The following VPS13D variants were observed in gnomAD, a reference collection of about 807,000 sequenced individuals.
VPS13D encodes intermembrane lipid transfer protein VPS13D.
VPS13D carries 187 observed loss-of-function variants against 461.9 expected under a neutral mutation model. That is an observed-to-expected ratio of 0.40 (90% confidence interval 0.36 to 0.46). The LOEUF (loss-of-function observed/expected upper bound fraction) is 0.46. VPS13D is among the 20% of genes least tolerant of loss of function. VPS13D has a pLI of 0.60. For missense variants in VPS13D, 4,711 were observed against 5,364.9 expected, an observed-to-expected ratio of 0.88 and a Z score of 3.81; for synonymous variants, 1,951 against 1,986.3, an observed-to-expected ratio of 0.98 and a Z score of 0.47.
intron 20 of VPS13D, among the ~76,000 whole-genome samples, chr1:12,282,163 C>T (rs1224528295): frequency 6.6e-6 from 1 of 152,206 alleles, no homozygotes; most frequent in Non-Finnish European, 1.5e-5. Flanking sequence ...GCTGGGATTA[C>T]AGACGTGAGC....
chr1:12,236,664 T>A (rs1395089145), intron 2 of VPS13D, among the ~76,000 whole-genome samples: 3 of 152,322 alleles, frequency 2.0e-5, no homozygotes, highest in South Asian at 4.1e-4. Context: ...ATTACAGGCA[T>A]GTTCCACTGC....
At chr1:12,342,746 C>T (rs1359706229) in intron 41 of VPS13D, 153 bp from the exon 42 acceptor site, 4 of 779,778 alleles carry the variant, frequency 5.1e-6, no homozygotes, top group Admixed American at 3.0e-5. Context: ...CTATAGTTAG[C>T]GACCCTCAAG....
At position 12,309,775 on chromosome 1, in the gene VPS13D, A is replaced by G. The variant is rs927226628; in HGVS notation, c.6650+1134A>G. ...AGACTCAGTCTCAAAAAAAAAAAAA[A>G]AAAGAAAGAAAGAAAAACAGGTTTA... On this transcript the variant is annotated intron_variant, in intron 27 of 69. Coordinates refer to ENST00000620676, the MANE Select transcript of VPS13D (RefSeq NM_015378.4). 6.2e-4 allele frequency among the ~76,000 whole-genome samples: 94 copies of G among 151,700 alleles called. 1 individual carries two copies. Among genetic ancestry groups the G allele is most frequent in the Admixed American group, 5.8e-3 (88 of 15,242 alleles).
chr1:12,234,252 C>T lies in VPS13D; in HGVS notation c.-15C>T. On this transcript the variant is annotated 5_prime_UTR_variant, in exon 2 of 70. Coordinates refer to ENST00000620676, the MANE Select transcript of VPS13D (RefSeq NM_015378.4). ...GATCCATGATTTCTAAACACCTTTT[C>T]CTGAGGATATAGTCATGTTGGAAGG... is the stretch of plus-strand genomic sequence containing the variant. 1.3e-6 allele frequency: 2 copies of T among 1,581,826 alleles called. No homozygotes were observed. Among genetic ancestry groups the T allele is most frequent in the Non-Finnish European group, 8.7e-7 (1 of 1,153,978 alleles).
intron 65 of VPS13D, among the ~76,000 whole-genome samples, chr1:12,452,227 T>C (rs977238081): frequency 1.3e-5 from 2 of 152,238 alleles, no homozygotes; most frequent in Admixed American, 1.3e-4. Context: ...TACTTGCTCA[T>C]ATCGGGACTC....
intron 65 of VPS13D, among the ~76,000 whole-genome samples, chr1:12,450,913 G>T (rs1301906587): frequency 1.3e-5 from 2 of 152,176 alleles, no homozygotes; most frequent in African/African-American, 4.8e-5. Context: ...TGGTGACAAG[G>T]AAGATACTGC....
chr1:12,405,787 C>T (rs1356381100), intron 63 of VPS13D, among the ~76,000 whole-genome samples: 3 of 152,216 alleles, frequency 2.0e-5, no homozygotes, highest in Non-Finnish European at 4.4e-5. Flanking sequence ...GCACTTGGCA[C>T]TTGCCCAGCA....
intron 36 of VPS13D, among the ~76,000 whole-genome samples, chr1:12,328,655 T>C (rs1643253683): frequency 6.6e-6 from 1 of 152,122 alleles, no homozygotes; most frequent in African/African-American, 2.4e-5. Context: ...ATTCTTCTGC[T>C]TCAGTCCCCC....
At chr1:12,338,448 A>G in intron 40 of VPS13D, 143 bp downstream of exon 40, 1 of 681,320 alleles carries the variant, frequency 1.5e-6, no homozygotes, top group Non-Finnish European at 2.6e-6. Context: ...GAACATTTCC[A>G]ACTGATGAAC....
At chr1:12,240,617 A>C (rs1234571250) in intron 2 of VPS13D, among the ~76,000 whole-genome samples, 1 of 149,512 alleles carries the variant, frequency 6.7e-6, no homozygotes, top group Non-Finnish European at 1.5e-5. Context: ...AAAAAAAAAA[A>C]AGGCAGTTCG....
chr1:12,434,514 T>G (rs1645034306), intron 65 of VPS13D, among the ~76,000 whole-genome samples: 1 of 152,174 alleles, frequency 6.6e-6, no homozygotes, highest in South Asian at 2.1e-4. Context: ...GGGTTTTAGT[T>G]ACACCTACTT....
chr1:12,254,725 T>C (rs937705380), intron 7 of VPS13D, among the ~76,000 whole-genome samples: 2 of 151,730 alleles, frequency 1.3e-5, no homozygotes, highest in African/African-American at 4.8e-5. Context: ...GGTTTCGCCA[T>C]ATTGGCCAGG....
At chr1:12,381,893 T>G (rs1195173692) in intron 57 of VPS13D, among the ~76,000 whole-genome samples, 1 of 145,732 alleles carries the variant, frequency 6.9e-6, no homozygotes, top group Non-Finnish European at 1.5e-5. Flanking sequence ...AGTCAGTCAG[T>G]CTGTCTTTTT....
chr1:12,384,229 T>C (rs1172539572), intron 58 of VPS13D, among the ~76,000 whole-genome samples: 1 of 151,962 alleles, frequency 6.6e-6, no homozygotes, highest in Non-Finnish European at 1.5e-5. Flanking sequence ...TGGATAGAAA[T>C]GAGAGCTTAC....
chr1:12,506,413 G>A (rs535547364), intron 68 of VPS13D, among the ~76,000 whole-genome samples: 153 of 152,318 alleles, frequency 1.0e-3, no homozygotes, highest in Non-Finnish European at 1.1e-3. Flanking sequence ...GGGAGGAAGC[G>A]GATGGGGAGG....
chr1:12,296,422 A>G lies in VPS13D; in HGVS notation c.6033+2718A>G, dbSNP rs550860464. Among the ~76,000 whole-genome samples the G allele has an allele frequency of 3.9e-5, 6 of 152,362 alleles. No individual in the cohort carries two copies. The East Asian group carries it at 1.2e-3, about 29-fold the overall frequency. On this transcript the variant is annotated intron_variant, in intron 24 of 69. Coordinates refer to ENST00000620676, the MANE Select transcript of VPS13D (RefSeq NM_015378.4). The stretch of plus-strand genomic sequence containing the variant: ...TAATTTAGATTGAGAAATAGCATAC[A>G]GTGTATCAAGTATGTAAAACACTGT...
chr1:12,283,205 A>G lies in VPS13D; in HGVS notation c.5103A>G (p.Ala1701=). 1.2e-6 allele frequency: 2 copies of G among 1,614,206 alleles called. No homozygotes were observed. Among genetic ancestry groups the G allele is most frequent in the South Asian group, 1.1e-5 (1 of 91,080 alleles). ...SRGAPKPSSL[A]QKEYLSQSCP... is the part of the protein sequence containing the mutation. ...GAGCCCCTAAGCCATCTAGTTTAGC[A>G]CAAAAAGAATACCTTTCTCAGTCTT... Residue 1701 remains alanine, a synonymous_variant, in exon 21 of 70, where the codon GCA becomes GCG. Coordinates refer to ENST00000620676, the MANE Select transcript of VPS13D (RefSeq NM_015378.4).
chr1:12,498,465 GT>G (rs1645990067), intron 68 of VPS13D, among the ~76,000 whole-genome samples: 1 of 152,166 alleles, frequency 6.6e-6, no homozygotes, highest in Non-Finnish European at 1.5e-5. Flanking sequence ...TCATCTCATA[GT>G]TTCATGGTAG....
At chr1:12,293,460 T>A in intron 23 of VPS13D, 64 bp from the exon 24 acceptor site, 1 of 1,470,392 alleles carries the variant, frequency 6.8e-7, no homozygotes. Context: ...CCAACCTGAG[T>A]TTTCTTGAAA....
Sources: gnomAD v4.1 joint callset for allele counts (sites outside exome capture counted in the v4.1 genomes callset) on GRCh38, gnomAD v4.1.1 for gene constraint, MANE v1.5 for transcripts, NCBI Gene and HGNC (gene_info 2026-07-23, HGNC 2026-07-21) for gene names.